The following LMO7 variants were observed in gnomAD, a reference collection of about 807,000 sequenced individuals.
The protein encoded by LMO7 is LIM domain only protein 7.
Under a neutral mutation model 206.5 loss-of-function variants are expected in LMO7, and 120 were observed. The ratio of observed to expected loss-of-function variants is 0.58; its 90% CI spans 0.50 to 0.68. The LOEUF (loss-of-function observed/expected upper bound fraction) is 0.68. Among genes scored for constraint, LMO7 ranks in the 30% least tolerant of loss-of-function variants. The probability of loss-of-function intolerance (pLI) is 0.00; values close to 1 mark genes in which losing one functional copy is unlikely to be tolerated. For synonymous variants in LMO7, 706 were observed against 681.5 expected (o/e 1.04, Z -0.56); for missense variants, 1,959 against 1,957.9 (o/e 1.00, Z -0.01).
At chr13:75,834,519 C>T (rs1009122778) in intron 17 of LMO7, 132 bp downstream of exon 17, 15 of 627,164 alleles carry the variant, frequency 2.4e-5, no homozygotes, top group African/African-American at 3.7e-5. Context: ...TTTGTAGTTA[C>T]GTCATGACAA....
At chr13:75,641,439 T>C (rs1004657826) in intron 1 of LMO7, among the ~76,000 whole-genome samples, 3 of 151,996 alleles carry the variant, frequency 2.0e-5, no homozygotes, top group Admixed American at 6.6e-5. Context: ...ATTGTAGGAG[T>C]TTTGTCAGAC....
intron 2 of LMO7, among the ~76,000 whole-genome samples, chr13:75,719,469 C>G (rs1424348134): frequency 1.3e-5 from 2 of 152,060 alleles, no homozygotes; most frequent in African/African-American, 4.8e-5. Context: ...ATTGTAATTC[C>G]CAGTGTTGGG....
intron 4 of LMO7, among the ~76,000 whole-genome samples, chr13:75,767,224 T>A (rs1022431089): frequency 6.6e-5 from 10 of 152,086 alleles, no homozygotes; most frequent in Admixed American, 3.9e-4. Context: ...ATTTAAATAA[T>A]TTTTTTATAT....
At position 75,796,682 on chromosome 13, in the gene LMO7, C is replaced by G; in HGVS notation, c.395C>G (p.Pro132Arg). ...YWLGRKAQSN[P>R]YYNGPHLNLK... ...CTGGGAAGAAAAGCACAAAGCAACC[C>G]GTACTATAATGGTCCCCATCTTAAT... is the stretch of plus-strand genomic sequence containing the variant. Residue 132 changes from proline to arginine, a missense_variant, in exon 6 of 31, where the codon CCG becomes CGG. Transcript: ENST00000377534. The G allele has an allele frequency of 2.5e-6, 4 of 1,613,376 alleles. No homozygotes were observed. Among genetic ancestry groups the G allele is most frequent in the South Asian group, 1.1e-5 (1 of 91,042 alleles).
chr13:75,764,818 C>T (rs1051868473), intron 4 of LMO7, among the ~76,000 whole-genome samples: 9 of 152,058 alleles, frequency 5.9e-5, no homozygotes, highest in African/African-American at 2.2e-4. Context: ...TGACTTTGAA[C>T]ACTGCTTGTC....
chr13:75,776,181 AT>A (rs1181739551), intron 4 of LMO7, among the ~76,000 whole-genome samples: 1 of 73,282 alleles, frequency 1.4e-5, no homozygotes, highest in Non-Finnish European at 2.6e-5. Flanking sequence ...ATATATATAT[AT>A]ATATATATAT....
intron 15 of LMO7, among the ~76,000 whole-genome samples, chr13:75,828,962 C>T (rs1049161599): frequency 5.9e-5 from 9 of 152,056 alleles, no homozygotes; most frequent in African/African-American, 1.9e-4. Flanking sequence ...TCGAAGGAAT[C>T]CAGTGTTTCT....
At chr13:75,651,591 G>A (rs1354308810) in intron 1 of LMO7, among the ~76,000 whole-genome samples, 1 of 152,152 alleles carries the variant, frequency 6.6e-6, no homozygotes, top group Non-Finnish European at 1.5e-5. Context: ...GCCTCCCAAA[G>A]TGCTGGGATT....
intron 1 of LMO7, among the ~76,000 whole-genome samples, chr13:75,652,059 G>C (rs2037621965): frequency 6.6e-6 from 1 of 151,960 alleles, no homozygotes; most frequent in African/African-American, 2.4e-5. Flanking sequence ...CTTTCTGACT[G>C]TTCCCTTTTC....
chr13:75,809,328 A>T, intron 11 of LMO7, 145 bp downstream of exon 11: 1 of 656,540 alleles, frequency 1.5e-6, no homozygotes, highest in South Asian at 2.2e-5. Flanking sequence ...TTTATCTTGC[A>T]ACCTAATGGT....
intron 4 of LMO7, among the ~76,000 whole-genome samples, chr13:75,771,174 A>G (rs924541933): frequency 2.0e-5 from 3 of 152,174 alleles, no homozygotes; most frequent in African/African-American, 7.2e-5. Context: ...CTTTGAGTGG[A>G]TGTATTACAA....
chr13:75,719,820 T>C (rs1030312161), intron 2 of LMO7, among the ~76,000 whole-genome samples: 1 of 152,244 alleles, frequency 6.6e-6, no homozygotes, highest in Non-Finnish European at 1.5e-5. Flanking sequence ...CAGTTTTTTG[T>C]GTAAATGTAA....
intron 3 of LMO7, among the ~76,000 whole-genome samples, chr13:75,730,165 C>T (rs1329657552): frequency 2.0e-5 from 3 of 152,090 alleles, no homozygotes; most frequent in Admixed American, 6.5e-5. Flanking sequence ...GGAGGATTCC[C>T]TCTTTTTCTG....
At chr13:75,645,693 A>T (rs777179580) in intron 1 of LMO7, among the ~76,000 whole-genome samples, 1 of 152,158 alleles carries the variant, frequency 6.6e-6, no homozygotes, top group Non-Finnish European at 1.5e-5. Flanking sequence ...TTATGAAGAA[A>T]ATATTGTCAG....
intron 1 of LMO7, among the ~76,000 whole-genome samples, chr13:75,638,319 C>T (rs1435987342): frequency 1.3e-5 from 2 of 151,780 alleles, no homozygotes; most frequent in East Asian, 3.9e-4. Context: ...TTTTTTGTCC[C>T]TGCTTGCTCA....
At chr13:75,743,250 A>G (rs1378046157) in intron 3 of LMO7, among the ~76,000 whole-genome samples, 1 of 152,002 alleles carries the variant, frequency 6.6e-6, no homozygotes, top group Non-Finnish European at 1.5e-5. Flanking sequence ...GAGAAAAATA[A>G]ACTGTTGGTG....
chr13:75,804,347 T>C lies in LMO7; in HGVS notation c.720T>C (p.Asp240=), dbSNP rs753045576. 16 of 1,613,910 alleles carry C rather than the reference T, an allele frequency of 9.9e-6. No individual in the cohort carries two copies. The South Asian group carries it at 1.1e-4, about 11-fold the overall frequency. The change falls in exon 8 of 31, where the codon GAT becomes GAC. Residue 240 remains aspartate, a synonymous_variant. Transcript: ENST00000377534. ...FTFKMQDYNK[D]DMSYRRISAV... ...TTAAGATGCAGGATTATAATAAAGA[T>C]GATATGTCGTATCGAAGGATTTCGG...
chr13:75,648,650 G>A (rs1296634629), intron 1 of LMO7, among the ~76,000 whole-genome samples: 1 of 152,256 alleles, frequency 6.6e-6, no homozygotes, highest in Non-Finnish European at 1.5e-5. Flanking sequence ...AATTCACACG[G>A]AAGTGTAAGT....
At chr13:75,805,297 CT>C in intron 8 of LMO7, 181 bp from the exon 9 acceptor site, 1 of 944,164 alleles carries the variant, frequency 1.1e-6, no homozygotes, top group Non-Finnish European at 1.5e-6. Flanking sequence ...TCTAGCTATC[CT>C]TGAGTTAAAA....
Sources: gnomAD v4.1 joint callset for allele counts (sites outside exome capture counted in the v4.1 genomes callset) on GRCh38, gnomAD v4.1.1 for gene constraint, MANE v1.5 for transcripts, NCBI Gene and HGNC (gene_info 2026-07-23, HGNC 2026-07-21) for gene names.